The following PPARGC1A variants were observed in gnomAD, a reference collection of about 807,000 sequenced individuals.
The protein encoded by PPARGC1A is peroxisome proliferator-activated receptor gamma coactivator 1-alpha.
In PPARGC1A, 25 loss-of-function variants were observed where a neutral mutation model predicts 88.7. The ratio of observed to expected loss-of-function variants is 0.28; its 90% confidence interval spans 0.21 to 0.39. The LOEUF (loss-of-function observed/expected upper bound fraction) is 0.39, where lower values mean the gene tolerates loss of function less well. Ranked by LOEUF, PPARGC1A falls within the 10% of genes least tolerant of loss-of-function variation. PPARGC1A has a pLI of 1.00. For synonymous variants in PPARGC1A, 363 were observed against 355.6 expected (o/e 1.02, Z -0.24); for missense variants, 880 against 968.7 (o/e 0.91, Z 1.22).
At chr4:23,807,737 G>C (rs560951815) in intron 10 of PPARGC1A, among the ~76,000 whole-genome samples, 1 of 147,548 alleles carries the variant, frequency 6.8e-6, no homozygotes, top group Non-Finnish European at 1.5e-5. Context: ...TTTTTCTTTT[G>C]TGTGTGTGTG....
chr4:24,360,453 A>G, the PPARGC1A span, among the ~76,000 whole-genome samples: 1 of 151,964 alleles, frequency 6.6e-6, no homozygotes, highest in Non-Finnish European at 1.5e-5. Flanking sequence ...CCTGTCTTTC[A>G]TTCTGCTTAT....
At chr4:24,391,607 C>T in the PPARGC1A span, among the ~76,000 whole-genome samples, 13 of 152,018 alleles carry the variant, frequency 8.6e-5, no homozygotes, top group Non-Finnish European at 1.6e-4. Flanking sequence ...TTAAATTCTT[C>T]AATCTCAAAA....
At chr4:24,276,051 C>A in the PPARGC1A span, among the ~76,000 whole-genome samples, 91 of 152,310 alleles carry the variant, frequency 6.0e-4, no homozygotes, top group African/African-American at 2.0e-3. Flanking sequence ...GATCGTTACA[C>A]CCTATAGCTG....
the PPARGC1A span, among the ~76,000 whole-genome samples, chr4:24,132,094 C>T: frequency 6.6e-6 from 1 of 152,196 alleles, no homozygotes; most frequent in Non-Finnish European, 1.5e-5. Context: ...CATTCTCTTA[C>T]TGAATCCTTT....
At chr4:24,389,741 T>G in the PPARGC1A span, among the ~76,000 whole-genome samples, 7 of 152,294 alleles carry the variant, frequency 4.6e-5, no homozygotes, top group Admixed American at 4.6e-4. Context: ...GCATTAACTT[T>G]TCTGATTGTG....
intron 2 of PPARGC1A, among the ~76,000 whole-genome samples, chr4:23,853,068 A>G (rs1014076045): frequency 3.3e-5 from 5 of 152,202 alleles, no homozygotes; most frequent in African/African-American, 9.6e-5. Context: ...TATATAAGAA[A>G]TTTGTAAAAG....
chr4:24,341,527 CTG>C, the PPARGC1A span, among the ~76,000 whole-genome samples: 2 of 152,076 alleles, frequency 1.3e-5, no homozygotes, highest in Non-Finnish European at 2.9e-5. Flanking sequence ...TATGAACAAA[CTG>C]TGCAAATGTT....
the PPARGC1A span, among the ~76,000 whole-genome samples, chr4:24,325,471 C>A: frequency 4.4e-3 from 669 of 152,282 alleles, 8 homozygotes; most frequent in African/African-American, 0.015. Context: ...ACCTCCTCCC[C>A]CAGGAGCTTG....
chr4:23,970,198 CAT>C, the PPARGC1A span, among the ~76,000 whole-genome samples: 1 of 152,198 alleles, frequency 6.6e-6, no homozygotes, highest in Non-Finnish European at 1.5e-5. Flanking sequence ...ACTGAGGAAA[CAT>C]ATGATCACCA....
the PPARGC1A span, among the ~76,000 whole-genome samples, chr4:24,465,431 T>TA: frequency 6.6e-6 from 1 of 152,142 alleles, no homozygotes; most frequent in Non-Finnish European, 1.5e-5. Flanking sequence ...CCTTCTAGAG[T>TA]AAATCACTTT....
the PPARGC1A span, among the ~76,000 whole-genome samples, chr4:24,313,713 C>T: frequency 1.3e-5 from 2 of 152,104 alleles, no homozygotes; most frequent in African/African-American, 4.8e-5. Flanking sequence ...AAACTGGAGC[C>T]ACCAGCTTTA....
At chr4:23,920,678 T>C in the PPARGC1A span, among the ~76,000 whole-genome samples, 1 of 152,326 alleles carries the variant, frequency 6.6e-6, no homozygotes, top group African/African-American at 2.4e-5. Flanking sequence ...ACTTTCTTCC[T>C]CCCAGCTCTA....
At chr4:23,883,915 A>ACATTAGAT (rs1716421768) in intron 2 of PPARGC1A, 1 of 152,184 alleles carries the variant, frequency 6.6e-6, no homozygotes, top group East Asian at 1.9e-4. Flanking sequence ...TGCTCAGAAA[A>ACATTAGAT]CATTAGATGA....
At chr4:23,900,960 C>A (rs951760252), upstream of PPARGC1A, among the ~76,000 whole-genome samples, 1 of 152,230 alleles carries the variant, frequency 6.6e-6, no homozygotes, top group African/African-American at 2.4e-5. Flanking sequence ...TGCGGTGGCT[C>A]ACGCCTGTAA....
the PPARGC1A span, among the ~76,000 whole-genome samples, chr4:24,342,659 C>A: frequency 2.0e-5 from 3 of 152,126 alleles, no homozygotes; most frequent in Non-Finnish European, 4.4e-5. Flanking sequence ...AATTGAAGGA[C>A]TTGTTCTTCA....
chr4:24,379,837 T>C, the PPARGC1A span, among the ~76,000 whole-genome samples: 2 of 150,434 alleles, frequency 1.3e-5, no homozygotes, highest in Non-Finnish European at 2.9e-5. Context: ...TGGAGTGCAA[T>C]GGCACGATTC....
chr4:24,169,823 T>A, the PPARGC1A span, among the ~76,000 whole-genome samples: 1 of 151,854 alleles, frequency 6.6e-6, no homozygotes, highest in Admixed American at 6.6e-5. Flanking sequence ...GGTGACAGAG[T>A]GACACTCTGT....
chr4:23,975,203 C>T, the PPARGC1A span, among the ~76,000 whole-genome samples: 1 of 151,784 alleles, frequency 6.6e-6, no homozygotes, highest in Non-Finnish European at 1.5e-5. Context: ...TGAAGATTTG[C>T]GATTGTAAAG....
the PPARGC1A span, among the ~76,000 whole-genome samples, chr4:24,144,754 G>C: frequency 1.3e-5 from 2 of 151,734 alleles, no homozygotes; most frequent in African/African-American, 4.8e-5. Context: ...ACCTCATCTG[G>C]AGGTTAGAAC....
Sources: allele counts gnomAD v4.1 joint callset (sites outside exome capture counted in the v4.1 genomes callset), GRCh38; gene constraint gnomAD v4.1.1; transcripts MANE v1.5; gene names NCBI Gene and HGNC (gene_info 2026-07-23, HGNC 2026-07-21).